Variants in ADA observed in about 807,000 individuals in gnomAD.
ADA encodes the protein adenosine deaminase.
In ADA, 45 loss-of-function variants were observed where a neutral mutation model predicts 49.0. That is an observed-to-expected ratio of 0.92 (90% CI 0.72 to 1.18). ADA has a LOEUF of 1.18. Among genes scored for constraint, ADA ranks in the 50% most tolerant of loss-of-function variants. The pLI, the probability that ADA is intolerant of heterozygous loss-of-function variation, is 0.00. For missense variants in ADA, 445 were observed against 472.5 expected, an observed-to-expected ratio of 0.94 and a Z score of 0.54; for synonymous variants, 173 against 184.2, an observed-to-expected ratio of 0.94 and a Z score of 0.49.
chr20:44,635,389 A>C (rs2065470828), intron 2 of ADA, among the ~76,000 whole-genome samples: 1 of 151,868 alleles, frequency 6.6e-6, no homozygotes, highest in Admixed American at 6.6e-5. Context: ...CTTGGGTTCA[A>C]CTCTTGATCT....
At chr20:44,620,205 C>A in intron 11 of ADA, 94 bp downstream of exon 11, 1 of 1,130,982 alleles carries the variant, frequency 8.8e-7, no homozygotes, top group South Asian at 1.2e-5. Context: ...ATGGCGCTGC[C>A]CAAGAATGGA....
chr20:44,629,129 G>A lies in ADA; in HGVS notation c.136C>T (p.Leu46=), dbSNP rs1186915649. The A allele has an allele frequency of 6.2e-7, 1 of 1,614,222 alleles. No individual in the cohort carries two copies. The highest frequency in any genetic ancestry group is 8.5e-7 in the Non-Finnish European group (1 of 1,180,034). The change falls in exon 3 of 12, where the codon CTG becomes TTG. Residue 46 remains leucine (L), a synonymous_variant. Transcript: ENST00000372874. ...IALPANTAEG[L]LNVIGMDKPL... is the part of the protein sequence containing the mutation. Reference sequence around the variant, plus strand: ...TTGTCCATGCCAATGACGTTCAGCAGCCCCTCTGCTGTGTTAGCTGGGAGG... The same window carrying A: ...TTGTCCATGCCAATGACGTTCAGCAACCCCTCTGCTGTGTTAGCTGGGAGG...
intron 3 of ADA, among the ~76,000 whole-genome samples, chr20:44,627,510 C>T (rs1038593010): frequency 3.3e-5 from 5 of 152,190 alleles, no homozygotes; most frequent in African/African-American, 1.2e-4. Flanking sequence ...ACGGCCCCTC[C>T]ACCATTCTCC....
chr20:44,632,823 G>C (rs543122336), intron 2 of ADA, among the ~76,000 whole-genome samples: 1 of 152,220 alleles, frequency 6.6e-6, no homozygotes, highest in Non-Finnish European at 1.5e-5. Flanking sequence ...CTCTCAAGTA[G>C]CTGGGATTAT....
intron 8 of ADA, 21 bp downstream of exon 8, chr20:44,622,808 C>T (rs756023598): frequency 6.2e-7 from 1 of 1,614,206 alleles, no homozygotes; most frequent in Non-Finnish European, 8.5e-7. Context: ...ATGGTTCCTC[C>T]CCACTCCCTG....
intron 1 of ADA, among the ~76,000 whole-genome samples, chr20:44,641,052 C>T (rs1226865308): frequency 6.6e-6 from 1 of 152,170 alleles, no homozygotes; most frequent in Non-Finnish European, 1.5e-5. Flanking sequence ...CTTGTCACGG[C>T]AGCCACAGAA....
chr20:44,620,799 T>TA, intron 10 of ADA: 1 of 630,472 alleles, frequency 1.6e-6, no homozygotes, highest in Non-Finnish European at 2.8e-6. Context: ...CTGGATTCTT[T>TA]AAAGGCACTC....
intron 4 of ADA, among the ~76,000 whole-genome samples, chr20:44,625,909 G>A (rs1319931146): frequency 2.6e-5 from 4 of 152,156 alleles, no homozygotes; most frequent in Non-Finnish European, 5.9e-5. Flanking sequence ...GAGGTGTGGG[G>A]TGTCAACATG....
chr20:44,620,685 G>A (rs2065321736), intron 10 of ADA: 1 of 566,792 alleles, frequency 1.8e-6, no homozygotes, highest in Admixed American at 3.0e-5. Flanking sequence ...ACACGTGCAG[G>A]AATGGACTTA....
rs1157268469 is a variant in ADA at position 44,621,426 on chromosome 20, G to A, written c.846-279C>T. ...AACCAGGCAGAATGGCAGCCGGTGGGGGCGTGGGGGTGGGAGCCAAGAAAG... is the reference window on the plus strand; with the variant it reads ...AACCAGGCAGAATGGCAGCCGGTGGAGGCGTGGGGGTGGGAGCCAAGAAAG... On this transcript the variant is annotated intron_variant, in intron 9 of 11. Transcript: ENST00000372874. 1.3e-5 allele frequency among the ~76,000 whole-genome samples: 2 copies of A among 152,084 alleles called. 1 individual carries two copies. Among genetic ancestry groups the A allele is most frequent in the Middle Eastern group, 6.3e-3 (2 of 316 alleles).
At position 44,619,799 on chromosome 20, in the gene ADA, A is replaced by C. The variant is rs960303263; in HGVS notation, c.*35T>G. On this transcript the variant is annotated 3_prime_UTR_variant, in exon 12 of 12. Transcript: ENST00000372874. ...TGCTCAGCCCCACAGAGTTGGGGTGACTCCACAGGGTGAAGGCTTGGAGGA... is the reference window on the plus strand; with the variant it reads ...TGCTCAGCCCCACAGAGTTGGGGTGCCTCCACAGGGTGAAGGCTTGGAGGA... The C allele has an allele frequency of 6.2e-7, 1 of 1,613,796 alleles. No individual in the cohort carries two copies.
chr20:44,625,816 A>T, intron 4 of ADA, 132 bp from the exon 5 acceptor site: 2 of 738,678 alleles, frequency 2.7e-6, no homozygotes, highest in Non-Finnish European at 4.6e-6. Flanking sequence ...ACTGCCTCAG[A>T]GGAAAGACTG....
chr20:44,619,954 G>A, intron 11 of ADA, 107 bp from the exon 12 acceptor site: 1 of 1,417,748 alleles, frequency 7.1e-7, no homozygotes, highest in Non-Finnish European at 9.9e-7. Context: ...TCCTATGATG[G>A]CAAGAAGATG....
intron 1 of ADA, among the ~76,000 whole-genome samples, chr20:44,644,439 G>A (rs1467805131): frequency 6.6e-6 from 1 of 152,142 alleles, no homozygotes; most frequent in Non-Finnish European, 1.5e-5. Flanking sequence ...CAAGGAAGGG[G>A]CTGACCTGCC....
intron 2 of ADA, among the ~76,000 whole-genome samples, chr20:44,634,752 T>G (rs1964502487): frequency 6.6e-6 from 1 of 152,234 alleles, no homozygotes; most frequent in Non-Finnish European, 1.5e-5. Context: ...CAGAAATCTC[T>G]CAGGGAGTTG....
intron 8 of ADA, 40 bp from the exon 9 acceptor site, chr20:44,622,692 G>A (rs761204032): frequency 1.9e-6 from 3 of 1,613,822 alleles, no homozygotes; most frequent in South Asian, 2.2e-5. Flanking sequence ...ATGGCCCCAG[G>A]CCATGCTGAT....
intron 9 of ADA, among the ~76,000 whole-genome samples, chr20:44,621,410 G>A (rs11907079): frequency 2.6e-5 from 4 of 152,172 alleles, no homozygotes; most frequent in Admixed American, 1.3e-4. Flanking sequence ...GAACCAGGCA[G>A]AATGGCAGCC....
intron 2 of ADA, among the ~76,000 whole-genome samples, chr20:44,630,161 A>G (rs867289371): frequency 6.6e-6 from 1 of 152,066 alleles, no homozygotes; most frequent in African/African-American, 2.4e-5. Flanking sequence ...CCTGGCCAAC[A>G]TGGTGAAACC....
Position 44,629,174 on chromosome 20 carries a change from A to C in ADA, c.96-5T>G. The C allele has an allele frequency of 6.2e-7, 1 of 1,614,144 alleles. No individual in the cohort carries two copies. Among genetic ancestry groups the C allele is most frequent in the Non-Finnish European group, 8.5e-7 (1 of 1,180,022 alleles). On this transcript the variant is annotated splice_region_variant and splice_polypyrimidine_tract_variant and intron_variant, in intron 2 of 11. Coordinates refer to ENST00000372874, the MANE Select transcript of ADA (RefSeq NM_000022.4). ...GGGAGGGCGATCCCTCTCCTCCTGGAAACAAAACAGTGAGTGGTGGACCAA... is the reference window on the plus strand; with the variant it reads ...GGGAGGGCGATCCCTCTCCTCCTGGCAACAAAACAGTGAGTGGTGGACCAA...
Sources: gnomAD v4.1 joint callset for allele counts (sites outside exome capture counted in the v4.1 genomes callset) on GRCh38, gnomAD v4.1.1 for gene constraint, MANE v1.5 for transcripts, NCBI Gene and HGNC (gene_info 2026-07-23, HGNC 2026-07-21) for gene names.